Variants in EML4 observed in about 807,000 individuals in gnomAD.
The protein encoded by EML4 is echinoderm microtubule-associated protein-like 4.
EML4 carries 72 observed loss-of-function variants against 129.0 expected under a neutral mutation model. The observed-to-expected ratio is 0.56, with a 90% confidence interval of 0.46 to 0.68. The LOEUF is 0.68. Ranked by LOEUF, EML4 falls within the 30% of genes least tolerant of loss-of-function variation. The probability of loss-of-function intolerance (pLI) is 0.00; values close to 1 mark genes in which losing one functional copy is unlikely to be tolerated. For missense variants in EML4, 1,363 were observed against 1,190.6 expected (o/e 1.14, Z -2.13); for synonymous variants, 532 against 405.0 (o/e 1.31, Z -3.77).
chr2:42,285,860 A>G, intron 9 of EML4: 1 of 182,860 alleles, frequency 5.5e-6, no homozygotes, highest in South Asian at 1.1e-4. Flanking sequence ...CGGCCTCCCA[A>G]AGTGCTAGGA....
intron 17 of EML4, among the ~76,000 whole-genome samples, chr2:42,314,865 T>C (rs146635408): frequency 3.6e-3 from 542 of 152,338 alleles, no homozygotes; most frequent in Non-Finnish European, 4.4e-3. Context: ...TCAAATACTT[T>C]TAGGAAAAAG....
intron 21 of EML4, among the ~76,000 whole-genome samples, chr2:42,327,408 G>A (rs1295897552): frequency 2.0e-5 from 3 of 152,136 alleles, no homozygotes. Context: ...TTACTCTTTT[G>A]AGCAACTGCC....
chr2:42,274,970 C>T (rs1404284502), intron 6 of EML4, among the ~76,000 whole-genome samples: 1 of 152,156 alleles, frequency 6.6e-6, no homozygotes, highest in Non-Finnish European at 1.5e-5. Context: ...TGATTTCCAG[C>T]TGTTGGGATT....
At chr2:42,251,644 G>A (rs1481703337) in intron 2 of EML4, among the ~76,000 whole-genome samples, 4 of 152,152 alleles carry the variant, frequency 2.6e-5, no homozygotes, top group East Asian at 1.9e-4. Flanking sequence ...GAAAAGTGAC[G>A]AAGAGCCTGA....
At chr2:42,259,453 T>C (rs1572643136) in intron 3 of EML4, among the ~76,000 whole-genome samples, 1 of 152,106 alleles carries the variant, frequency 6.6e-6, no homozygotes, top group Non-Finnish European at 1.5e-5. Context: ...ATCAAAAGAA[T>C]TTATACTTAA....
chr2:42,203,567 T>C (rs1672360241), intron 1 of EML4, among the ~76,000 whole-genome samples: 1 of 152,102 alleles, frequency 6.6e-6, no homozygotes, highest in Non-Finnish European at 1.5e-5. Flanking sequence ...TTATACAAGA[T>C]GGCTAGTCTG....
chr2:42,220,137 G>A lies in EML4; in HGVS notation c.26-25368G>A, dbSNP rs181430240. 3.4e-4 allele frequency among the ~76,000 whole-genome samples: 52 copies of A among 151,758 alleles called. No individual in the cohort carries two copies. The East Asian group carries it at 7.7e-3, about 23-fold the overall frequency. On this transcript the variant is annotated intron_variant, in intron 1 of 22. Coordinates refer to ENST00000318522, the MANE Select transcript of EML4 (RefSeq NM_019063.5). Reference sequence around the variant, plus strand: ...AAATTGTTTTACTTATCTATAATACGTGTATAACACATAATTGAAAAAATA... The same window carrying A: ...AAATTGTTTTACTTATCTATAATACATGTATAACACATAATTGAAAAAATA...
At chr2:42,229,261 CTTTA>C (rs1164600526) in intron 1 of EML4, among the ~76,000 whole-genome samples, 1 of 152,034 alleles carries the variant, frequency 6.6e-6, no homozygotes, top group East Asian at 1.9e-4. Flanking sequence ...TTTTCTATAA[CTTTA>C]TATGTCATCT....
chr2:42,328,867 C>G lies in EML4; in HGVS notation c.2342-19C>G, dbSNP rs766968811. ...TTCTTCAGCTAATTTTTCTGCATCC[C>G]TGTGTTTCCATATCAAAGGTGTCTG... is the stretch of plus-strand genomic sequence containing the variant. On this transcript the variant is annotated intron_variant, in intron 21 of 22. Transcript: ENST00000318522. 3.2e-6 allele frequency: 5 copies of G among 1,574,686 alleles called. No homozygotes were observed. The highest frequency in any genetic ancestry group is 2.3e-5 in the East Asian group (1 of 44,084).
intron 1 of EML4, among the ~76,000 whole-genome samples, chr2:42,245,209 C>G (rs1303358325): frequency 2.0e-5 from 3 of 146,662 alleles, no homozygotes; most frequent in South Asian, 2.2e-4. Context: ...ATTCTTGTGC[C>G]TCAGCCTCCC....
At chr2:42,234,296 A>G (rs956074856) in intron 1 of EML4, among the ~76,000 whole-genome samples, 1 of 152,228 alleles carries the variant, frequency 6.6e-6, no homozygotes, top group African/African-American at 2.4e-5. Flanking sequence ...GTATGTTGTG[A>G]GATCTAGAGA....
chr2:42,171,843 C>G (rs1344362491), intron 1 of EML4, among the ~76,000 whole-genome samples: 2 of 152,076 alleles, frequency 1.3e-5, no homozygotes, highest in Non-Finnish European at 2.9e-5. Flanking sequence ...TAGGCCCCAT[C>G]TTAATTGAAA....
intron 11 of EML4, among the ~76,000 whole-genome samples, chr2:42,292,302 T>C (rs1442573659): frequency 1.3e-5 from 2 of 152,204 alleles, no homozygotes; most frequent in South Asian, 2.1e-4. Flanking sequence ...GGCAGAAATA[T>C]ATACATGTGT....
At chr2:42,182,193 A>G (rs1340784746) in intron 1 of EML4, among the ~76,000 whole-genome samples, 1 of 139,302 alleles carries the variant, frequency 7.2e-6, no homozygotes, top group East Asian at 2.2e-4. Flanking sequence ...GTTTTAGGGT[A>G]CATGTGCACA....
At chr2:42,317,961 A>T (rs1258466377) in intron 19 of EML4, among the ~76,000 whole-genome samples, 2 of 152,200 alleles carry the variant, frequency 1.3e-5, no homozygotes, top group African/African-American at 4.8e-5. Context: ...CATTTAAGAG[A>T]GTTAACAGAA....
At chr2:42,229,468 G>C (rs1674182448) in intron 1 of EML4, among the ~76,000 whole-genome samples, 1 of 152,018 alleles carries the variant, frequency 6.6e-6, no homozygotes, top group Non-Finnish European at 1.5e-5. Flanking sequence ...TTGTATTCCA[G>C]GAACAGTTAT....
At position 42,221,262 on chromosome 2, in the gene EML4, A is replaced by G. The variant is rs567215758; in HGVS notation, c.26-24243A>G. Among the ~76,000 whole-genome samples the G allele has an allele frequency of 3.2e-4, 48 of 152,200 alleles. No homozygotes were observed. The South Asian group carries it at 4.8e-3, about 15-fold the overall frequency. ...GACTGTTGAGGGGGTATTGTAGCTG[A>G]TGACTTTAAGTTGAAGCCAGTGCTC... On this transcript the variant is annotated intron_variant, in intron 1 of 22. Coordinates refer to ENST00000318522, the MANE Select transcript of EML4 (RefSeq NM_019063.5).
intron 1 of EML4, among the ~76,000 whole-genome samples, chr2:42,216,700 T>C (rs1379014133): frequency 6.6e-6 from 1 of 152,238 alleles, no homozygotes; most frequent in Non-Finnish European, 1.5e-5. Context: ...TTTTAAAGAT[T>C]ATTATAGCCA....
chr2:42,287,844 T>G (rs766355667), intron 10 of EML4, among the ~76,000 whole-genome samples: 7 of 152,156 alleles, frequency 4.6e-5, no homozygotes, highest in Admixed American at 1.3e-4. Flanking sequence ...AACAAAGTTA[T>G]GAAATTGTGT....
Sources: allele counts gnomAD v4.1 joint callset (sites outside exome capture counted in the v4.1 genomes callset), GRCh38; gene constraint gnomAD v4.1.1; transcripts MANE v1.5; gene names NCBI Gene and HGNC (gene_info 2026-07-23, HGNC 2026-07-21).